RLF: variants seen among roughly 807,000 people sequenced by gnomAD.
RLF encodes zinc finger protein Rlf.
A neutral mutation model predicts 162.9 loss-of-function variants in RLF; 7 were observed. The ratio of observed to expected loss-of-function variants is 0.04; its 90% confidence interval spans 0.02 to 0.08. The LOEUF is 0.08. RLF is among the 10% of genes least tolerant of loss of function. The probability of loss-of-function intolerance (pLI) is 1.00; values close to 1 mark genes in which losing one functional copy is unlikely to be tolerated. For synonymous variants in RLF, 782 were observed against 791.5 expected (o/e 0.99, Z 0.20); for missense variants, 1,664 against 2,244.7 (o/e 0.74, Z 5.23).
intron 1 of RLF, among the ~76,000 whole-genome samples, chr1:40,170,715 G>T (rs4600036): frequency 0.19 from 28,509 of 152,116 alleles, 2,818 homozygotes; most frequent in Non-Finnish European, 0.21. Flanking sequence ...CAAAGGTTTT[G>T]CAGGGATTAA....
intron 5 of RLF, among the ~76,000 whole-genome samples, chr1:40,219,435 A>G (rs1642964737): frequency 6.6e-6 from 1 of 152,190 alleles, no homozygotes; most frequent in Non-Finnish European, 1.5e-5. Flanking sequence ...ACAGATATGA[A>G]AAAACTCTGG....
chr1:40,218,083 AGGTTTCAAGT>A (rs1208193876), intron 5 of RLF, among the ~76,000 whole-genome samples: 2 of 152,254 alleles, frequency 1.3e-5, no homozygotes, highest in African/African-American at 4.8e-5. Flanking sequence ...ATTAAACTAC[AGGTTTCAAGT>A]GATTTCTTTT....
chr1:40,167,344 G>A lies in RLF; in HGVS notation c.237+5708G>A, dbSNP rs182410001. Among the ~76,000 whole-genome samples the A allele has an allele frequency of 1.5e-3, 235 of 152,188 alleles. 5 individuals are homozygous for A. Among genetic ancestry groups the A allele is most frequent in the Non-Finnish European group, 7.4e-5 (5 of 68,004 alleles). On this transcript the variant is annotated intron_variant, in intron 1 of 7. Transcript: ENST00000372771. ...CTTCTTGCGCTGCCTTCTTTTTAGC[G>A]ATATCTAAATAGAAACTACATGACA...
At chr1:40,230,203 T>A (rs1254916063) in intron 6 of RLF, among the ~76,000 whole-genome samples, 1 of 152,168 alleles carries the variant, frequency 6.6e-6, no homozygotes, top group Non-Finnish European at 1.5e-5. Flanking sequence ...CCGTTAAATA[T>A]ATTTACTTTA....
At chr1:40,174,108 C>T (rs1369412370) in intron 1 of RLF, among the ~76,000 whole-genome samples, 2 of 152,192 alleles carry the variant, frequency 1.3e-5, no homozygotes, top group Non-Finnish European at 2.9e-5. Flanking sequence ...CACGATGGCT[C>T]ACGCCTGTAA....
Position 40,182,788 on chromosome 1 carries a change from G to GATAGATAA in RLF, c.238-6262_238-6261insTAAATAGA, listed in dbSNP as rs1436775571. Reference sequence around the variant, plus strand: ...AGATAGATAGATAGATAGATAGATAGATAGAGTAATAAGTTAGTCATATCA... The same window carrying GATAGATAA: ...AGATAGATAGATAGATAGATAGATAGATAGATAAATAGAGTAATAAGTTAGTCATATCA... On this transcript the variant is annotated intron_variant, in intron 1 of 7. Transcript: ENST00000372771. 2.1e-3 allele frequency among the ~76,000 whole-genome samples: 318 copies of GATAGATAA among 151,764 alleles called. 1 individual carries two copies. Among genetic ancestry groups the GATAGATAA allele is most frequent in the African/African-American group, 7.2e-3 (297 of 41,272 alleles).
rs71577617 is a variant in RLF, at chr1:40,225,878, CAAAAAAAAAAAAA to C, written c.947+3182_947+3194del. Among the ~76,000 whole-genome samples, 22 of 14,806 alleles carry C rather than the reference CAAAAAAAAAAAAA, an allele frequency of 1.5e-3. 1 individual carries two copies. The highest frequency in any genetic ancestry group is 6.8e-3 in the East Asian group (3 of 440). 9.7% of individuals were successfully genotyped at this position (14,806 alleles called of 152,430 possible). A position where few individuals can be genotyped will look rare whatever the true frequency, so the allele number is the denominator to read the frequency against. On this transcript the variant is annotated intron_variant, in intron 6 of 7. Coordinates refer to ENST00000372771, the MANE Select transcript of RLF (RefSeq NM_012421.4). ...TGGGTGACAGAGCGAGACTCCGTCG[CAAAAAAAAAAAAA>C]AAAAAAAAAAAAAGCCGGATGGTAG...
In RLF at chr1:40,236,741, G is replaced by A. The variant is rs750145493; in HGVS notation, c.2039G>A (p.Arg680His). 2.5e-6 allele frequency: 4 copies of A among 1,613,834 alleles called. No homozygotes were observed. The highest frequency in any genetic ancestry group is 1.3e-5 in the African/African-American group (1 of 74,906). The change falls in exon 8 of 8, where the codon CGT (arginine) becomes CAT (histidine). Residue 680 changes from arginine (R) to histidine (H), a missense_variant. Physicochemically the swap from Arg to His is conservative, Grantham distance 29. Around this residue, in one of 15 missense-constraint regions of RLF, gnomAD observed 69 missense variants for 206.4 expected, o/e 0.33. Coordinates refer to ENST00000372771, the MANE Select transcript of RLF (RefSeq NM_012421.4). This position sits in a 1 kb window ranked among gnomAD's most constrained non-coding sequence, Gnocchi z 7.7. ...LYPCPGTDCS[R>H]VFKQFKYLSV... is the part of the protein sequence containing the mutation. ...CCATGTCCCGGTACAGACTGTTCCC[G>A]TGTGTTTAAGCAATTTAAATACTTA... is the stretch of plus-strand genomic sequence containing the variant.
At chr1:40,208,218 A>C (rs1220429170) in intron 5 of RLF, among the ~76,000 whole-genome samples, 1 of 152,178 alleles carries the variant, frequency 6.6e-6, no homozygotes, top group Non-Finnish European at 1.5e-5. Flanking sequence ...ATGACCTTAC[A>C]CAGGAGCACA....
chr1:40,169,251 A>G (rs1570511900), intron 1 of RLF, among the ~76,000 whole-genome samples: 1 of 152,166 alleles, frequency 6.6e-6, no homozygotes, highest in East Asian at 1.9e-4. Flanking sequence ...TTTAGACTGT[A>G]GAGCCTATGT....
rs1642479029 is a variant in RLF at position 40,186,268 on chromosome 1, G to A, written c.238-2787G>A. 2.0e-5 allele frequency among the ~76,000 whole-genome samples: 3 copies of A among 152,024 alleles called. No individual in the cohort carries two copies. In the South Asian group the frequency reaches 6.2e-4, roughly 32 times the overall value. On this transcript the variant is annotated intron_variant, in intron 1 of 7. Transcript: ENST00000372771. ...AGGATCACCAGCAGTGATAGAATGA[G>A]ACTCTATCTCAATTTAAAAAAAAAG...
At position 40,235,850 on chromosome 1, in the gene RLF, G is replaced by T. The variant is rs982152796; in HGVS notation, c.1148G>T (p.Arg383Ile). 6.2e-7 allele frequency: 1 copy of T among 1,613,944 alleles called. No individual in the cohort carries two copies. ...CTGTGTGTCAGAGCTCTTCAACTCA[G>T]ATCAAGTGAAGATGAGGAAATGAAG... ...ILLCVRALQL[R>I]SSEDEEMKAS... The change falls in exon 8 of 8, where the codon AGA becomes ATA. Residue 383 changes from arginine to isoleucine, a missense_variant. Arg to Ile is a moderately conservative substitution (Grantham distance 97). This residue lies in a region of RLF where 287 missense variants were observed against 404.9 expected (regional missense o/e 0.71). Transcript: ENST00000372771.
intron 7 of RLF, 93 bp downstream of exon 7, chr1:40,231,751 A>G (rs905905697): frequency 1.7e-6 from 2 of 1,202,648 alleles, no homozygotes; most frequent in African/African-American, 3.1e-5. Flanking sequence ...AAAGGAAGAT[A>G]AGAAATAATG....
At chr1:40,189,977 T>C (rs1016143208) in intron 2 of RLF, among the ~76,000 whole-genome samples, 5 of 152,198 alleles carry the variant, frequency 3.3e-5, no homozygotes, top group Admixed American at 2.0e-4. Context: ...TGAGATGACT[T>C]CTAGTCTAGA....
In RLF at chr1:40,239,043, T is replaced by C; in HGVS notation, c.4341T>C (p.Asp1447=). 1 of 1,614,192 alleles carries C rather than the reference T, an allele frequency of 6.2e-7. No individual in the cohort carries two copies. The highest frequency in any genetic ancestry group is 2.2e-5 in the East Asian group (1 of 44,888). The part of the protein sequence containing the change: ...EIHSDYEIHC[D]LNGCGQIFTH... ...ATTCAGATTATGAAATTCATTGTGA[T>C]CTTAATGGCTGTGGCCAGATTTTCA... Residue 1447 remains aspartate (D), a synonymous_variant, in exon 8 of 8, where the codon GAT becomes GAC. Transcript: ENST00000372771.
Position 40,174,847 on chromosome 1 carries a change from G to GT in RLF, c.237+13217dup, listed in dbSNP as rs1201697257. On this transcript the variant is annotated intron_variant, in intron 1 of 7. Coordinates refer to ENST00000372771, the MANE Select transcript of RLF (RefSeq NM_012421.4). ...TAGTTATGCTCACTCTCTTTATTTG[G>GT]TTTTTTCTTCATAGTGAAATCTTGA... Among the ~76,000 whole-genome samples the GT allele has an allele frequency of 2.0e-5, 3 of 152,166 alleles. No homozygotes were observed. The East Asian group carries it at 5.8e-4, about 29-fold the overall frequency.
At chr1:40,214,820 G>C (rs1642903176) in intron 5 of RLF, among the ~76,000 whole-genome samples, 1 of 146,258 alleles carries the variant, frequency 6.8e-6, no homozygotes, top group South Asian at 2.2e-4. Context: ...CTATTCATGA[G>C]ACTGAGGTGG....
At chr1:40,171,890 T>C (rs1057031860) in intron 1 of RLF, among the ~76,000 whole-genome samples, 2 of 152,208 alleles carry the variant, frequency 1.3e-5, no homozygotes, top group African/African-American at 4.8e-5. Context: ...GTACTACCTT[T>C]TCCTAGGTAG....
intron 1 of RLF, among the ~76,000 whole-genome samples, chr1:40,164,172 A>G (rs1356866375): frequency 6.6e-6 from 1 of 152,146 alleles, no homozygotes; most frequent in East Asian, 1.9e-4. Context: ...TAAAGGTCTG[A>G]CCCCTGCTTA....
Sources: allele counts gnomAD v4.1 joint callset (sites outside exome capture counted in the v4.1 genomes callset), GRCh38; gene constraint gnomAD v4.1.1; regional missense constraint gnomAD v4.1.1; non-coding constraint Gnocchi (gnomAD v3.1); transcripts MANE v1.5; gene names NCBI Gene and HGNC (gene_info 2026-07-23, HGNC 2026-07-21).